CCDC91: variants seen among roughly 807,000 people sequenced by gnomAD.
CCDC91 encodes the protein coiled-coil domain containing 91, also known as coiled-coil domain-containing protein 91.
A neutral mutation model predicts 63.2 loss-of-function variants in CCDC91; 48 were observed. The observed-to-expected ratio is 0.76, with a 90% CI of 0.60 to 0.97. The LOEUF (loss-of-function observed/expected upper bound fraction) is 0.97, where lower values mean the gene tolerates loss of function less well. Ranked by LOEUF, CCDC91 falls within the 50% of genes least tolerant of loss-of-function variation. CCDC91 has a pLI of 0.00. For synonymous variants in CCDC91, 167 were observed against 165.8 expected, an observed-to-expected ratio of 1.01 and a Z score of -0.06; for missense variants, 500 against 494.6, an observed-to-expected ratio of 1.01 and a Z score of -0.10.
At chr12:28,233,325 T>A (rs1443223778) in intron 1 of CCDC91, among the ~76,000 whole-genome samples, 1 of 152,172 alleles carries the variant, frequency 6.6e-6, no homozygotes, top group African/African-American at 2.4e-5. Flanking sequence ...TTGAACTTCA[T>A]ATAGATGAAA....
intron 8 of CCDC91, among the ~76,000 whole-genome samples, chr12:28,401,484 C>T (rs1380836022): frequency 2.6e-5 from 4 of 151,948 alleles, no homozygotes; most frequent in Admixed American, 2.0e-4. Context: ...TGGGTGGGGA[C>T]ACCATATCAG....
At chr12:28,202,630 T>C (rs1285311247) in intron 1 of CCDC91, among the ~76,000 whole-genome samples, 1 of 152,240 alleles carries the variant, frequency 6.6e-6, no homozygotes, top group African/African-American at 2.4e-5. Context: ...ATGCCTTCAA[T>C]GCTTAGACAG....
intron 12 of CCDC91, among the ~76,000 whole-genome samples, chr12:28,520,817 A>T (rs1164195041): frequency 6.6e-6 from 1 of 152,198 alleles, no homozygotes; most frequent in Non-Finnish European, 1.5e-5. Flanking sequence ...AGCACCATTC[A>T]TTAAATAGGG....
intron 1 of CCDC91, among the ~76,000 whole-genome samples, chr12:28,239,603 A>T (rs1945197419): frequency 6.6e-6 from 1 of 152,182 alleles, no homozygotes; most frequent in Non-Finnish European, 1.5e-5. Context: ...ATTATATGCT[A>T]GGAAATATAA....
At chr12:28,364,364 G>A (rs1252243497) in intron 7 of CCDC91, among the ~76,000 whole-genome samples, 2 of 152,192 alleles carry the variant, frequency 1.3e-5, no homozygotes, top group Non-Finnish European at 2.9e-5. Context: ...CTCCTGCCTA[G>A]GTGACAGAGC....
intron 1 of CCDC91, among the ~76,000 whole-genome samples, chr12:28,205,094 G>C (rs887893281): frequency 2.0e-5 from 3 of 152,102 alleles, no homozygotes; most frequent in African/African-American, 7.2e-5. Context: ...GACTCGGCTA[G>C]TCTTCATAAT....
At chr12:28,425,856 A>G (rs1314095536) in intron 8 of CCDC91, among the ~76,000 whole-genome samples, 6 of 152,182 alleles carry the variant, frequency 3.9e-5, no homozygotes, top group Admixed American at 3.3e-4. Context: ...TGGACCCATC[A>G]GTCTGTTTCA....
chr12:28,327,550 A>T (rs1941127081), intron 6 of CCDC91, among the ~76,000 whole-genome samples: 1 of 152,102 alleles, frequency 6.6e-6, no homozygotes, highest in South Asian at 2.1e-4. Flanking sequence ...CACCTCCTCT[A>T]GCAGTCTATA....
chr12:28,204,420 AAAAAT>A (rs1331616636), intron 1 of CCDC91, among the ~76,000 whole-genome samples: 1 of 152,204 alleles, frequency 6.6e-6, no homozygotes, highest in Non-Finnish European at 1.5e-5. Flanking sequence ...TTTTCTGATT[AAAAAT>A]AAAATGATGC....
chr12:28,371,775 C>T (rs576901704), intron 7 of CCDC91, among the ~76,000 whole-genome samples: 13 of 152,236 alleles, frequency 8.5e-5, no homozygotes, highest in African/African-American at 1.4e-4. Context: ...TTCACAGGGC[C>T]GGAGGCTTGA....
At chr12:28,193,698 C>G (rs1941481478) in intron 1 of CCDC91, among the ~76,000 whole-genome samples, 1 of 151,676 alleles carries the variant, frequency 6.6e-6, no homozygotes, top group Non-Finnish European at 1.5e-5. Context: ...GTTCCAGTTG[C>G]TCCACATTCT....
At chr12:28,438,842 G>C (rs780142486) in intron 8 of CCDC91, among the ~76,000 whole-genome samples, 5 of 152,138 alleles carry the variant, frequency 3.3e-5, no homozygotes, top group Non-Finnish European at 4.4e-5. Flanking sequence ...TCTGTACTAA[G>C]TTGTACATAG....
At chr12:28,463,156 A>T (rs2140488715) in intron 11 of CCDC91, among the ~76,000 whole-genome samples, 1 of 152,198 alleles carries the variant, frequency 6.6e-6, no homozygotes, top group East Asian at 1.9e-4. Flanking sequence ...AAATTTATAA[A>T]TTGTTCCAAT....
At chr12:28,390,005 T>G (rs1945835717) in intron 7 of CCDC91, among the ~76,000 whole-genome samples, 1 of 152,120 alleles carries the variant, frequency 6.6e-6, no homozygotes, top group Admixed American at 6.6e-5. Context: ...GCAATTCTAG[T>G]AAGCATTTTC....
chr12:28,485,772 T>C (rs1287665453), intron 12 of CCDC91, among the ~76,000 whole-genome samples: 10 of 152,170 alleles, frequency 6.6e-5, no homozygotes, highest in Non-Finnish European at 1.5e-4. Context: ...TATTATGTTC[T>C]CAGAAAACTC....
chr12:28,317,914 C>G (rs11049528), intron 6 of CCDC91, among the ~76,000 whole-genome samples: 30,453 of 151,744 alleles, frequency 0.2, 3,999 homozygotes, highest in Non-Finnish European at 0.3. Context: ...ATTTTTCTTT[C>G]TTCACTAAAG....
chr12:28,237,988 T>C (rs1374597837), intron 1 of CCDC91, among the ~76,000 whole-genome samples: 1 of 152,182 alleles, frequency 6.6e-6, no homozygotes, highest in Non-Finnish European at 1.5e-5. Flanking sequence ...AATTCTTAAT[T>C]TTTTCCCTAT....
chr12:28,217,095 A>G (rs2135593985), intron 1 of CCDC91, among the ~76,000 whole-genome samples: 1 of 152,248 alleles, frequency 6.6e-6, no homozygotes, highest in East Asian at 1.9e-4. Flanking sequence ...ATCTTCCCTT[A>G]TAATAAGGAA....
intron 8 of CCDC91, among the ~76,000 whole-genome samples, chr12:28,399,251 A>G (rs1281167444): frequency 3.9e-5 from 6 of 152,164 alleles, no homozygotes; most frequent in Non-Finnish European, 5.9e-5. Flanking sequence ...TCTTCACATG[A>G]CAGCAGCAAG....
Sources: gnomAD v4.1 joint callset for allele counts (sites outside exome capture counted in the v4.1 genomes callset) on GRCh38, gnomAD v4.1.1 for gene constraint, MANE v1.5 for transcripts, NCBI Gene and HGNC (gene_info 2026-07-23, HGNC 2026-07-21) for gene names.